KLF12: variants seen among roughly 807,000 people sequenced by gnomAD.
KLF12 encodes Krueppel-like factor 12.
In KLF12, 9 loss-of-function variants were observed where a neutral mutation model predicts 37.8. The ratio of observed to expected loss-of-function variants is 0.24; its 90% CI spans 0.14 to 0.42. The LOEUF (loss-of-function observed/expected upper bound fraction) is 0.42, where lower values mean the gene tolerates loss of function less well. Ranked by LOEUF, KLF12 falls within the 10% of genes least tolerant of loss-of-function variation. KLF12 has a pLI of 1.00. For missense variants in KLF12, 411 were observed against 516.0 expected (o/e 0.80, Z 1.97); for synonymous variants, 208 against 202.1 (o/e 1.03, Z -0.25).
chr13:74,094,604 T>C (rs1016341958), intron 1 of KLF12, among the ~76,000 whole-genome samples: 6 of 109,212 alleles, frequency 5.5e-5, no homozygotes, highest in African/African-American at 1.7e-4. Flanking sequence ...CTATCTTTTC[T>C]TTTTTTTTTT....
intron 3 of KLF12, among the ~76,000 whole-genome samples, chr13:73,887,500 C>T (rs980448560): frequency 3.3e-5 from 5 of 152,122 alleles, no homozygotes; most frequent in Non-Finnish European, 7.4e-5. Context: ...CCATGTTAAA[C>T]GGCTACTTCC....
chr13:73,810,982 C>CTTT (rs376490803), intron 5 of KLF12, among the ~76,000 whole-genome samples: 11 of 44,822 alleles, frequency 2.5e-4, no homozygotes, highest in African/African-American at 3.4e-4. Flanking sequence ...ATTTTTCTTT[C>CTTT]TTTTTTTTTT....
intron 1 of KLF12, among the ~76,000 whole-genome samples, chr13:74,052,793 A>G (rs1873007720): frequency 6.6e-6 from 1 of 152,158 alleles, no homozygotes; most frequent in African/African-American, 2.4e-5. Context: ...AGCTGAGATG[A>G]AAAGTTGAAG....
At chr13:73,989,422 G>T (rs1891905854) in intron 2 of KLF12, among the ~76,000 whole-genome samples, 1 of 152,204 alleles carries the variant, frequency 6.6e-6, no homozygotes, top group African/African-American at 2.4e-5. Flanking sequence ...CAATTTCTCA[G>T]AAAGCAGAGA....
intron 2 of KLF12, among the ~76,000 whole-genome samples, chr13:73,994,535 G>A (rs1326673721): frequency 6.6e-6 from 1 of 150,536 alleles, no homozygotes; most frequent in East Asian, 2.0e-4. Flanking sequence ...TTTCCATGAT[G>A]ATCCTACTTC....
chr13:73,963,226 T>G (rs1226318625), intron 2 of KLF12, among the ~76,000 whole-genome samples: 1 of 151,908 alleles, frequency 6.6e-6, no homozygotes, highest in African/African-American at 2.4e-5. Context: ...TCTATTGGGA[T>G]AGAAAAATCA....
chr13:73,706,457 G>A (rs150293439), intron 7 of KLF12, among the ~76,000 whole-genome samples: 1 of 152,314 alleles, frequency 6.6e-6, no homozygotes, highest in Non-Finnish European at 1.5e-5. Flanking sequence ...CAGAATGGTT[G>A]CCTACATTCC....
intron 6 of KLF12, among the ~76,000 whole-genome samples, chr13:73,739,288 T>G (rs1877780312): frequency 6.7e-6 from 1 of 150,054 alleles, no homozygotes; most frequent in Admixed American, 6.6e-5. Flanking sequence ...TGTACTTGTC[T>G]TAAAGGGTGT....
At chr13:73,860,916 G>A (rs1387412159) in intron 3 of KLF12, among the ~76,000 whole-genome samples, 2 of 152,088 alleles carry the variant, frequency 1.3e-5, no homozygotes, top group African/African-American at 4.8e-5. Flanking sequence ...TAGTTTCCAT[G>A]TATTACAAGA....
chr13:74,066,086 G>T (rs1453097517), intron 1 of KLF12, among the ~76,000 whole-genome samples: 2 of 152,086 alleles, frequency 1.3e-5, no homozygotes, highest in Non-Finnish European at 2.9e-5. Flanking sequence ...GATTGTTGTG[G>T]ATTATATGCT....
At chr13:74,168,479 G>A in the KLF12 span, among the ~76,000 whole-genome samples, 1 of 152,172 alleles carries the variant, frequency 6.6e-6, no homozygotes, top group African/African-American at 2.4e-5. Context: ...CAACCTGGGT[G>A]CAACAACTTG....
the KLF12 span, among the ~76,000 whole-genome samples, chr13:74,154,026 G>T: frequency 6.6e-6 from 1 of 150,942 alleles, no homozygotes; most frequent in African/African-American, 2.4e-5. Flanking sequence ...AGGAGATCAA[G>T]ACCATCCTGG....
In KLF12 at chr13:73,693,297, T is replaced by C. The variant is rs1001412787; in HGVS notation, c.*2193A>G. The C allele has an allele frequency of 6.6e-6, 1 of 151,660 alleles. No individual in the cohort carries two copies. Among genetic ancestry groups the C allele is most frequent in the Non-Finnish European group, 1.5e-5 (1 of 67,942 alleles). 9.4% of individuals were successfully genotyped at this position (151,660 alleles called of 1,614,324 possible). On this transcript the variant is annotated 3_prime_UTR_variant, in exon 8 of 8. Coordinates refer to ENST00000377669, the MANE Select transcript of KLF12 (RefSeq NM_007249.5). ...GGTCACAGGCAATGTGAAGTAGGAG[T>C]TGCATATAGTACAAAAAAACTTTCC...
At chr13:73,885,709 G>A (rs1453788408) in intron 3 of KLF12, among the ~76,000 whole-genome samples, 1 of 152,176 alleles carries the variant, frequency 6.6e-6, no homozygotes, top group Non-Finnish European at 1.5e-5. Flanking sequence ...GAAGAATAGC[G>A]CTAATTCAAA....
At chr13:73,835,531 G>C (rs1884384451) in intron 4 of KLF12, among the ~76,000 whole-genome samples, 1 of 152,032 alleles carries the variant, frequency 6.6e-6, no homozygotes, top group African/African-American at 2.4e-5. Flanking sequence ...GAGGGAAGGT[G>C]AGAGAAAAAA....
intron 3 of KLF12, among the ~76,000 whole-genome samples, chr13:73,877,650 C>T (rs895808680): frequency 2.6e-5 from 4 of 152,160 alleles, no homozygotes; most frequent in African/African-American, 4.8e-5. Flanking sequence ...ATGTCACCTT[C>T]TTGCTAGTAC....
chr13:74,064,752 A>G (rs1300673035), intron 1 of KLF12, among the ~76,000 whole-genome samples: 1 of 152,192 alleles, frequency 6.6e-6, no homozygotes, highest in African/African-American at 2.4e-5. Flanking sequence ...CTAACCATCA[A>G]ATTTTAGACC....
intron 3 of KLF12, among the ~76,000 whole-genome samples, chr13:73,894,493 C>T (rs9573324): frequency 0.21 from 31,765 of 152,030 alleles, 4,254 homozygotes; most frequent in East Asian, 0.56. Flanking sequence ...ACCATGAATG[C>T]CATTATATTT....
At position 73,964,507 on chromosome 13, in the gene KLF12, T is replaced by C. The variant is rs117665891; in HGVS notation, c.34-20437A>G. Reference sequence around the variant, plus strand: ...TAGGTCAGCCGAGCACGGTGGCTCATGCCTGTAATCCCAGCACTTCGGGAG... The same window carrying C: ...TAGGTCAGCCGAGCACGGTGGCTCACGCCTGTAATCCCAGCACTTCGGGAG... On this transcript the variant is annotated intron_variant, in intron 2 of 7. Transcript: ENST00000377669. Among the ~76,000 whole-genome samples, 791 of 151,638 alleles carry C rather than the reference T, an allele frequency of 5.2e-3. 1 individual carries two copies. The highest frequency in any genetic ancestry group is 0.01 in the Middle Eastern group (3 of 292).
Sources: allele counts gnomAD v4.1 joint callset (sites outside exome capture counted in the v4.1 genomes callset), GRCh38; gene constraint gnomAD v4.1.1; transcripts MANE v1.5; gene names NCBI Gene and HGNC (gene_info 2026-07-23, HGNC 2026-07-21).